The following SLC23A1 variants were observed in gnomAD, a reference collection of about 807,000 sequenced individuals.
The protein encoded by SLC23A1 is Na(+)/L-ascorbic acid transporter 1.
Under a neutral mutation model 62.5 loss-of-function variants are expected in SLC23A1, and 31 were observed. The ratio of observed to expected loss-of-function variants is 0.50; its 90% confidence interval spans 0.37 to 0.67. SLC23A1 has a LOEUF of 0.67. Ranked by LOEUF, SLC23A1 falls within the 30% of genes least tolerant of loss-of-function variation. The pLI, the probability that SLC23A1 is intolerant of heterozygous loss-of-function variation, is 0.00. For missense variants in SLC23A1, 640 were observed against 782.7 expected (o/e 0.82, Z 2.18); for synonymous variants, 271 against 313.2 (o/e 0.87, Z 1.42).
In SLC23A1 at chr5:139,378,979, G is replaced by A. The variant is rs1209276948; in HGVS notation, c.1073+228C>T. ...ACAGTCAGAGCCGGGCACATGGAGGGCTGTCAATGACGGTGGTTCCCTTTG... is the reference window on the plus strand; with the variant it reads ...ACAGTCAGAGCCGGGCACATGGAGGACTGTCAATGACGGTGGTTCCCTTTG... On this transcript the variant is annotated intron_variant, in intron 9 of 14. Coordinates refer to ENST00000348729, the MANE Select transcript of SLC23A1 (RefSeq NM_005847.5). This position sits in a 1 kb window ranked among gnomAD's most constrained non-coding sequence, Gnocchi z 4.5. Among the ~76,000 whole-genome samples the A allele has an allele frequency of 1.3e-5, 2 of 152,288 alleles. No homozygotes were observed. The highest frequency in any genetic ancestry group is 3.9e-4 in the East Asian group (2 of 5,188).
In SLC23A1 at chr5:139,378,620, T is replaced by G. The variant is rs759070834; in HGVS notation, c.1138A>C (p.Thr380Pro). The change falls in exon 10 of 15, where the codon ACC (threonine) becomes CCC (proline). Residue 380 changes from threonine (T) to proline (P), a missense_variant. Coordinates refer to ENST00000348729, the MANE Select transcript of SLC23A1 (RefSeq NM_005847.5). The surrounding 1 kb of genome is among the most constrained non-coding windows in gnomAD (Gnocchi z 4.5). ...AGLLGTGNGS[T>P]SSSPNIGVLG... ...ACGCCAATGTTGGGACTGGACGAGG[T>G]GGACCCGTTGCCCGTGCCCAATAGC... is the stretch of plus-strand genomic sequence containing the variant. 10 of 1,611,424 alleles carry G rather than the reference T, an allele frequency of 6.2e-6. No homozygotes were observed. The highest frequency in any genetic ancestry group is 7.6e-6 in the Non-Finnish European group (9 of 1,179,064).
At chr5:139,385,015 C>A (rs898569692), upstream of SLC23A1, among the ~76,000 whole-genome samples, 1 of 152,136 alleles carries the variant, frequency 6.6e-6, no homozygotes, top group African/African-American at 2.4e-5. Context: ...ACCTCCATTC[C>A]CCCAGCAGCC....
At position 139,380,008 on chromosome 5, in the gene SLC23A1, C is replaced by A; in HGVS notation, c.716G>T (p.Arg239Leu). The A allele has an allele frequency of 6.2e-7, 1 of 1,613,982 alleles. No homozygotes were observed. The highest frequency in any genetic ancestry group is 1.6e-4 in the Middle Eastern group (1 of 6,062). The stretch of plus-strand genomic sequence containing the variant: ...GAGGAGAGTGAGGCCCTTGCCCCAG[C>A]GGTAGACAGGCAGCAGGAAGGTGAG... The part of the protein sequence containing the change: ...RNLTFLLPVY[R>L]WGKGLTLLRI... The change falls in exon 7 of 15, where the codon CGC becomes CTC. Residue 239 changes from arginine (R) to leucine (L), a missense_variant. Transcript: ENST00000348729.
In SLC23A1 at chr5:139,379,748, G is replaced by A; in HGVS notation, c.855C>T (p.Gly285=). The A allele has an allele frequency of 1.2e-6, 2 of 1,614,094 alleles. No individual in the cohort carries two copies. The highest frequency in any genetic ancestry group is 1.1e-5 in the South Asian group (1 of 91,074). The part of the protein sequence containing the change: ...DVLPTDPKAY[G]FQARTDARGD... Reference sequence around the variant, plus strand: ...CACGGGCATCGGTTCGTGCCTGGAAGCCATAGGCTTTTGGGTCTGTGGGCA... The same window carrying A: ...CACGGGCATCGGTTCGTGCCTGGAAACCATAGGCTTTTGGGTCTGTGGGCA... Residue 285 remains glycine, a synonymous_variant, in exon 8 of 15, where the codon GGC becomes GGT. Coordinates refer to ENST00000348729, the MANE Select transcript of SLC23A1 (RefSeq NM_005847.5). The surrounding 1 kb of genome is among the most constrained non-coding windows in gnomAD (Gnocchi z 4.7).
chr5:139,380,459 A>C (rs1758192731), intron 5 of SLC23A1, 70 bp from the exon 6 acceptor site: 1 of 1,598,558 alleles, frequency 6.3e-7, no homozygotes, highest in Non-Finnish European at 8.6e-7. Flanking sequence ...AGCAGGAACA[A>C]AGCTCCTGGA....
At chr5:139,368,882 CTT>C (rs759712121) in intron 14 of SLC23A1, 26 of 1,036,744 alleles carry the variant, frequency 2.5e-5, no homozygotes, top group Non-Finnish European at 3.6e-5. Context: ...TAAAAGCTCT[CTT>C]GTCACTGTGT....
Position 139,378,727 on chromosome 5 carries a change from C to T in SLC23A1, c.1074-43G>A, listed in dbSNP as rs368607719. On this transcript the variant is annotated intron_variant, in intron 9 of 14. Transcript: ENST00000348729. The surrounding 1 kb of genome is among the most constrained non-coding windows in gnomAD (Gnocchi z 4.5). ...GTCGGGGCTTGGTCCAGCCTCTGCA[C>T]CAGTCTGTGTTCCCCCATCATCTTA... The T allele has an allele frequency of 3.5e-6, 5 of 1,410,162 alleles. No homozygotes were observed. The Admixed American group carries it at 9.6e-5, about 27-fold the overall frequency. 87.4% of individuals were successfully genotyped at this position (1,410,162 alleles called of 1,614,324 possible). A position where few individuals can be genotyped will look rare whatever the true frequency, so the allele number is the denominator to read the frequency against.
chr5:139,378,481 A>G lies in SLC23A1; in HGVS notation c.1179+98T>C, dbSNP rs1256753041. 1 of 1,429,534 alleles carries G rather than the reference A, an allele frequency of 7.0e-7. No homozygotes were observed. 88.6% of individuals were successfully genotyped at this position (1,429,534 alleles called of 1,614,324 possible). On this transcript the variant is annotated intron_variant, in intron 10 of 14. Coordinates refer to ENST00000348729, the MANE Select transcript of SLC23A1 (RefSeq NM_005847.5). The surrounding 1 kb of genome is among the most constrained non-coding windows in gnomAD (Gnocchi z 4.5). ...CTTGATGCGGGGGCGAGGCCTCTCA[A>G]AGACAGGGTGGGGCTAAACCAAAGT...
upstream of SLC23A1, among the ~76,000 whole-genome samples, chr5:139,383,666 T>G (rs1040592233): frequency 6.6e-6 from 1 of 152,248 alleles, no homozygotes; most frequent in Non-Finnish European, 1.5e-5. Flanking sequence ...ATCATTATCA[T>G]CATCATCATA....
rs1486172711 is a variant in SLC23A1, at chr5:139,367,473, C to A, written c.*178G>T. 1 of 152,056 alleles carries A rather than the reference C, an allele frequency of 6.6e-6. No homozygotes were observed. The highest frequency in any genetic ancestry group is 2.4e-5 in the African/African-American group (1 of 41,402). The allele number at this position is 152,056 out of a possible 1,614,324, so 9.4% of individuals were successfully genotyped here. A position where few individuals can be genotyped will look rare whatever the true frequency, so the allele number is the denominator to read the frequency against. On this transcript the variant is annotated 3_prime_UTR_variant, in exon 15 of 15. Transcript: ENST00000348729. ...AGACTCAGACTTTGGCCCATTCCCC[C>A]CCACCCCTTTTTTTTTAACTGATGC...
chr5:139,381,677 G>C (rs1359991601), intron 3 of SLC23A1, among the ~76,000 whole-genome samples: 1 of 151,012 alleles, frequency 6.6e-6, no homozygotes, highest in Non-Finnish European at 1.5e-5. Context: ...CCTTAAACTT[G>C]CAGATGCCTG....
upstream of SLC23A1, chr5:139,383,407 G>T: frequency 6.9e-7 from 1 of 1,442,766 alleles, no homozygotes. Context: ...GGCCCGGGCA[G>T]AGGTAATGTA....
At chr5:139,371,387 A>G (rs998528198) in intron 14 of SLC23A1, among the ~76,000 whole-genome samples, 1 of 152,246 alleles carries the variant, frequency 6.6e-6, no homozygotes, top group Non-Finnish European at 1.5e-5. Context: ...AGAGCCAGGC[A>G]TCTGCATTAC....
At chr5:139,381,820 C>A (rs1169868652) in intron 3 of SLC23A1, 72 bp downstream of exon 3, 6 of 1,280,534 alleles carry the variant, frequency 4.7e-6, no homozygotes, top group Non-Finnish European at 6.6e-6. Context: ...CCTCTGGGAG[C>A]CCACCTGCTC....
intron 14 of SLC23A1, among the ~76,000 whole-genome samples, chr5:139,368,541 G>GAA (rs1317913129): frequency 1.3e-5 from 2 of 151,500 alleles, no homozygotes; most frequent in Admixed American, 1.3e-4. Flanking sequence ...AAAAAGAAAA[G>GAA]AAAAAGTTGA....
intron 12 of SLC23A1, 29 bp from the exon 13 acceptor site, chr5:139,377,526 G>T: frequency 8.3e-7 from 1 of 1,201,348 alleles, no homozygotes; most frequent in East Asian, 2.3e-5. Context: ...GCCAATGGGT[G>T]TCATGGCCCA....
At position 139,378,810 on chromosome 5, in the gene SLC23A1, A is replaced by C; in HGVS notation, c.1074-126T>G. 1 of 707,300 alleles carries C rather than the reference A, an allele frequency of 1.4e-6. No individual in the cohort carries two copies. Among genetic ancestry groups the C allele is most frequent in the Non-Finnish European group, 2.5e-6 (1 of 405,104 alleles). The allele number at this position is 707,300 out of a possible 1,614,324, so 43.8% of individuals were successfully genotyped here. A position where few individuals can be genotyped will look rare whatever the true frequency, so the allele number is the denominator to read the frequency against. On this transcript the variant is annotated intron_variant, in intron 9 of 14. Transcript: ENST00000348729. This position sits in a 1 kb window ranked among gnomAD's most constrained non-coding sequence, Gnocchi z 4.5. ...GCAGCTATCAGCTGTAGCACTCCCT[A>C]CTACAGGCCAGAATGCTCAGGCTCC...
At chr5:139,368,228 C>G (rs955084797) in intron 14 of SLC23A1, among the ~76,000 whole-genome samples, 7 of 152,194 alleles carry the variant, frequency 4.6e-5, no homozygotes, top group Admixed American at 4.6e-4. Flanking sequence ...GTCCCAGCTA[C>G]TCAGGAGGAT....
In SLC23A1 at chr5:139,378,611, T is replaced by C. The variant is rs1379459339; in HGVS notation, c.1147A>G (p.Ser383Gly). Reference sequence around the variant, plus strand: ...ATTCCCAGGACGCCAATGTTGGGACTGGACGAGGTGGACCCGTTGCCCGTG... The same window carrying C: ...ATTCCCAGGACGCCAATGTTGGGACCGGACGAGGTGGACCCGTTGCCCGTG... ...LGTGNGSTSS[S>G]PNIGVLGITK... Residue 383 changes from serine (S) to glycine (G), a missense_variant, in exon 10 of 15, where the codon AGT (serine) becomes GGT (glycine). By Grantham distance (56) the Ser-to-Gly change is moderately conservative. Coordinates refer to ENST00000348729, the MANE Select transcript of SLC23A1 (RefSeq NM_005847.5). The surrounding 1 kb of genome is among the most constrained non-coding windows in gnomAD (Gnocchi z 4.5). 6.2e-7 allele frequency: 1 copy of C among 1,611,450 alleles called. No homozygotes were observed. Among genetic ancestry groups the C allele is most frequent in the Non-Finnish European group, 8.5e-7 (1 of 1,178,962 alleles).
Sources: gnomAD v4.1 joint callset for allele counts (sites outside exome capture counted in the v4.1 genomes callset) on GRCh38, gnomAD v4.1.1 for gene constraint, Gnocchi (gnomAD v3.1) non-coding constraint, MANE v1.5 for transcripts, NCBI Gene and HGNC (gene_info 2026-07-23, HGNC 2026-07-21) for gene names.